Variants in RBFOX1 observed in about 807,000 individuals in gnomAD.
RBFOX1 encodes RNA binding protein fox-1 homolog 1.
RBFOX1 carries 8 observed loss-of-function variants against 57.7 expected under a neutral mutation model. The observed-to-expected ratio is 0.14, with a 90% CI of 0.08 to 0.25. The LOEUF (loss-of-function observed/expected upper bound fraction) is 0.25, where lower values mean the gene tolerates loss of function less well. RBFOX1 is among the 10% of genes least tolerant of loss of function. The pLI, the probability that RBFOX1 is intolerant of heterozygous loss-of-function variation, is 1.00. For synonymous variants in RBFOX1, 326 were observed against 222.4 expected (o/e 1.47, Z -4.15); for missense variants, 611 against 548.5 (o/e 1.11, Z -1.14).
intron 2 of RBFOX1, among the ~76,000 whole-genome samples, chr16:6,493,646 C>G (rs961175294): frequency 6.6e-6 from 1 of 152,116 alleles, no homozygotes; most frequent in African/African-American, 2.4e-5. Context: ...CTTTATATAG[C>G]CTTTCAATTT....
intron 1 of RBFOX1, among the ~76,000 whole-genome samples, chr16:5,430,271 G>A (rs2067690199): frequency 6.6e-6 from 1 of 152,160 alleles, no homozygotes; most frequent in South Asian, 2.1e-4. Context: ...GGCCTGACCT[G>A]GGGGTCAGGG....
intron 3 of RBFOX1, among the ~76,000 whole-genome samples, chr16:6,902,264 G>A (rs1019092789): frequency 6.6e-6 from 1 of 152,074 alleles, no homozygotes; most frequent in African/African-American, 2.4e-5. Context: ...TTGAAGCCCC[G>A]TTTTTGTTTC....
At chr16:5,311,464 A>C (rs1472425694) in intron 1 of RBFOX1, among the ~76,000 whole-genome samples, 2 of 152,186 alleles carry the variant, frequency 1.3e-5, no homozygotes, top group African/African-American at 4.8e-5. Flanking sequence ...TAGTTCTTTA[A>C]GATATCTCCA....
intron 4 of RBFOX1, among the ~76,000 whole-genome samples, chr16:7,395,339 A>G (rs1475627150): frequency 1.3e-5 from 2 of 152,250 alleles, no homozygotes; most frequent in African/African-American, 4.8e-5. Context: ...GAAACTCAGC[A>G]GATGATTGAA....
chr16:6,746,595 C>A (rs990725924), intron 3 of RBFOX1, among the ~76,000 whole-genome samples: 1 of 152,040 alleles, frequency 6.6e-6, no homozygotes, highest in African/African-American at 2.4e-5. Flanking sequence ...GGGGGATCAC[C>A]TGAACCTGGG....
At chr16:6,640,849 C>G (rs2098481887) in intron 2 of RBFOX1, among the ~76,000 whole-genome samples, 1 of 152,074 alleles carries the variant, frequency 6.6e-6, no homozygotes. Flanking sequence ...CTAGCCCCAT[C>G]TTAGGATTAA....
chr16:5,874,667 G>A (rs1211457877), intron 4 of RBFOX1, among the ~76,000 whole-genome samples: 1 of 152,202 alleles, frequency 6.6e-6, no homozygotes, highest in African/African-American at 2.4e-5. Flanking sequence ...GAGAGCAGCT[G>A]GGCGAGGTGG....
chr16:6,969,157 C>A (rs1396259926), intron 3 of RBFOX1, among the ~76,000 whole-genome samples: 2 of 152,148 alleles, frequency 1.3e-5, no homozygotes, highest in South Asian at 4.1e-4. Context: ...GCTGTCTGTC[C>A]CCAAAATAGG....
At chr16:6,432,075 C>T (rs916897038) in intron 2 of RBFOX1, among the ~76,000 whole-genome samples, 2 of 151,986 alleles carry the variant, frequency 1.3e-5, no homozygotes, top group Non-Finnish European at 2.9e-5. Flanking sequence ...GAACCTCCTG[C>T]CACAGCCTCC....
At chr16:7,684,702 A>T (rs556601892) in intron 14 of RBFOX1, among the ~76,000 whole-genome samples, 1 of 151,900 alleles carries the variant, frequency 6.6e-6, no homozygotes, top group East Asian at 1.9e-4. Flanking sequence ...TTTGTAATTT[A>T]AAATTTTAGA....
At chr16:7,659,974 C>A (rs2067287367) in intron 12 of RBFOX1, among the ~76,000 whole-genome samples, 2 of 152,086 alleles carry the variant, frequency 1.3e-5, no homozygotes. Flanking sequence ...TTCTGATCCC[C>A]CCAATATCCA....
At chr16:5,759,602 A>C (rs2053523643) in intron 3 of RBFOX1, among the ~76,000 whole-genome samples, 1 of 152,210 alleles carries the variant, frequency 6.6e-6, no homozygotes, top group South Asian at 2.1e-4. Context: ...TTTTGCCGCC[A>C]GTGCCAGGCA....
intron 4 of RBFOX1, among the ~76,000 whole-genome samples, chr16:7,272,823 C>T (rs1344237677): frequency 6.6e-6 from 1 of 151,710 alleles, no homozygotes. Flanking sequence ...CTTTTAAAAT[C>T]CTCTCCTCCC....
chr16:6,820,156 A>G (rs1397033025), intron 3 of RBFOX1, among the ~76,000 whole-genome samples: 3 of 152,170 alleles, frequency 2.0e-5, no homozygotes, highest in African/African-American at 4.8e-5. Flanking sequence ...GCCTGCCGCC[A>G]TATAAGACAT....
chr16:5,682,135 T>A (rs1028381479), intron 3 of RBFOX1, among the ~76,000 whole-genome samples: 1 of 152,038 alleles, frequency 6.6e-6, no homozygotes, highest in Non-Finnish European at 1.5e-5. Flanking sequence ...GGCACTGGGG[T>A]AAATGACACC....
At chr16:5,830,556 C>T (rs147355286) in intron 3 of RBFOX1, among the ~76,000 whole-genome samples, 1 of 152,244 alleles carries the variant, frequency 6.6e-6, no homozygotes, top group East Asian at 1.9e-4. Context: ...AGAGTGGTGA[C>T]TTCTAGCTCC....
intron 3 of RBFOX1, among the ~76,000 whole-genome samples, chr16:5,624,440 G>T (rs1300282588): frequency 5.3e-5 from 8 of 152,112 alleles, no homozygotes; most frequent in African/African-American, 1.9e-4. Context: ...CTCGTGATCC[G>T]CCCGCCTCGG....
chr16:5,705,756 G>A (rs2051221498), intron 3 of RBFOX1, among the ~76,000 whole-genome samples: 1 of 152,208 alleles, frequency 6.6e-6, no homozygotes, highest in South Asian at 2.1e-4. Context: ...GGGATAACAA[G>A]ATCACTCTGT....
At chr16:7,001,597 C>T (rs142609851) in intron 3 of RBFOX1, among the ~76,000 whole-genome samples, 3 of 152,192 alleles carry the variant, frequency 2.0e-5, no homozygotes, top group East Asian at 3.9e-4. Context: ...GCTGGGATTA[C>T]AGGCACGTGC....
Sources: allele counts gnomAD v4.1 joint callset (sites outside exome capture counted in the v4.1 genomes callset), GRCh38; gene constraint gnomAD v4.1.1; transcripts MANE v1.5; gene names NCBI Gene and HGNC (gene_info 2026-07-23, HGNC 2026-07-21).